The following GSE1 variants were observed in gnomAD, a reference collection of about 807,000 sequenced individuals.
GSE1 encodes genetic suppressor element 1.
Under a neutral mutation model 112.6 loss-of-function variants are expected in GSE1, and 32 were observed. The ratio of observed to expected loss-of-function variants is 0.28; its 90% CI spans 0.21 to 0.38. The LOEUF (loss-of-function observed/expected upper bound fraction) is 0.38, where lower values mean the gene tolerates loss of function less well. GSE1 is among the 10% of genes least tolerant of loss of function. The pLI is 1.00. For missense variants in GSE1, 2,348 were observed against 1,699.2 expected, an observed-to-expected ratio of 1.38 and a Z score of -6.71; for synonymous variants, 1,115 against 735.6, an observed-to-expected ratio of 1.52 and a Z score of -8.35.
chr16:85,448,112 G>A (rs569772272), intron 2 of GSE1, among the ~76,000 whole-genome samples: 7 of 152,288 alleles, frequency 4.6e-5, no homozygotes, highest in Non-Finnish European at 8.8e-5. Context: ...GGGCTCCTCC[G>A]CCTGCCCTGC....
chr16:85,391,934 G>A (rs2151647157), intron 2 of GSE1, among the ~76,000 whole-genome samples: 1 of 152,146 alleles, frequency 6.6e-6, no homozygotes, highest in East Asian at 1.9e-4. Flanking sequence ...CTAGGAGGTG[G>A]GTGTCCCCAG....
At position 85,661,483 on chromosome 16, in the gene GSE1, G is replaced by A; in HGVS notation, c.1978G>A (p.Gly660Arg). 1 of 1,611,730 alleles carries A rather than the reference G, an allele frequency of 6.2e-7. No individual in the cohort carries two copies. The highest frequency in any genetic ancestry group is 1.3e-5 in the African/African-American group (1 of 75,016). Residue 660 changes from glycine (G) to arginine (R), a missense_variant, in exon 9 of 16, where the codon GGG becomes AGG. By Grantham distance (125) the Gly-to-Arg change is moderately radical (BLOSUM62 -2). Transcript: ENST00000253458. The part of the protein sequence containing the change: ...QPPPPPPREG[G>R]SLEHQPFLPG... ...ACCTCCGCCGCCACCACGAGAGGGA[G>A]GGAGCCTGGAGCACCAGCCCTTCCT...
chr16:85,365,052 C>T (rs939972749), intron 2 of GSE1, among the ~76,000 whole-genome samples: 3 of 152,222 alleles, frequency 2.0e-5, no homozygotes, highest in Non-Finnish European at 4.4e-5. Context: ...GGGCTGGGAG[C>T]TCTCATCTTT....
chr16:85,378,012 G>T (rs2047459229), intron 2 of GSE1, among the ~76,000 whole-genome samples: 1 of 152,210 alleles, frequency 6.6e-6, no homozygotes, highest in African/African-American at 2.4e-5. Flanking sequence ...CTGCACCCCG[G>T]GCTTGGGAAC....
intron 2 of GSE1, among the ~76,000 whole-genome samples, chr16:85,448,755 C>G (rs992534745): frequency 1.3e-5 from 2 of 152,234 alleles, no homozygotes; most frequent in African/African-American, 2.4e-5. Context: ...CCCTGCAACC[C>G]GGGGCAGGAA....
In GSE1 at chr16:85,472,701, G is replaced by C. The variant is rs147858159; in HGVS notation, c.2464+115058G>C. Among the ~76,000 whole-genome samples the C allele has an allele frequency of 5.3e-3, 807 of 152,354 alleles. 5 individuals are homozygous for C. The highest frequency in any genetic ancestry group is 0.018 in the African/African-American group (766 of 41,584). ...CCTTGCTCAGTCTGACCCTGCTGCT[G>C]TCTGCGGCTCTGTCTGCTTCTGCCA... On this transcript the variant is annotated intron_variant, in intron 2 of 2. Transcript: ENST00000637419.
intron 1 of GSE1, among the ~76,000 whole-genome samples, chr16:85,337,005 C>T (rs1016569936): frequency 2.2e-5 from 1 of 46,264 alleles, no homozygotes; most frequent in Non-Finnish European, 4.4e-5. Context: ...CATGTACACA[C>T]ACATATCCAC....
chr16:85,263,864 C>T (rs879335964), intron 1 of GSE1, among the ~76,000 whole-genome samples: 5 of 152,164 alleles, frequency 3.3e-5, no homozygotes, highest in East Asian at 1.9e-4. Flanking sequence ...TAAGCTGCCA[C>T]GCCTGGCCAC....
chr16:85,525,410 C>A (rs1171462855), intron 2 of GSE1, among the ~76,000 whole-genome samples: 1 of 152,202 alleles, frequency 6.6e-6, no homozygotes, highest in African/African-American at 2.4e-5. Context: ...ATCTCCCCAG[C>A]GTTGGGGAAA....
chr16:85,612,234 A>G (rs867724911), upstream of GSE1, among the ~76,000 whole-genome samples: 588 of 131,494 alleles, frequency 4.5e-3, 6 homozygotes, highest in African/African-American at 0.016. Flanking sequence ...GCCCGCCGCG[A>G]TGGGGTGGGG....
rs189184220 is a variant in GSE1 at position 85,671,662 on chromosome 16, T to C, written c.3519+564T>C. On this transcript the variant is annotated intron_variant, in intron 15 of 15. Coordinates refer to ENST00000253458, the MANE Select transcript of GSE1 (RefSeq NM_014615.5). Reference sequence around the variant, plus strand: ...CAGTTGATTATCTAGGATTTACTTATAGAATATCGATCCTGGAAGGGTAGG... The same window carrying C: ...CAGTTGATTATCTAGGATTTACTTACAGAATATCGATCCTGGAAGGGTAGG... 8.5e-5 allele frequency among the ~76,000 whole-genome samples: 13 copies of C among 152,220 alleles called. No individual in the cohort carries two copies. In the East Asian group the frequency reaches 9.7e-4, roughly 11 times the overall value.
intron 1 of GSE1, among the ~76,000 whole-genome samples, chr16:85,243,688 A>G (rs1451599926): frequency 6.6e-6 from 1 of 152,210 alleles, no homozygotes; most frequent in South Asian, 2.1e-4. Context: ...TTGTCCTGGC[A>G]GGTGAGCATG....
chr16:85,223,729 C>T (rs369962108), intron 1 of GSE1, among the ~76,000 whole-genome samples: 8 of 151,790 alleles, frequency 5.3e-5, no homozygotes, highest in East Asian at 3.9e-4. Flanking sequence ...CTCAACCTCC[C>T]GATTAGCTGG....
intron 1 of GSE1, among the ~76,000 whole-genome samples, chr16:85,343,530 C>T (rs2046668411): frequency 6.6e-6 from 1 of 152,140 alleles, no homozygotes; most frequent in Non-Finnish European, 1.5e-5. Flanking sequence ...AGGAAGGTCG[C>T]TTTAAGCCAA....
Position 85,672,794 on chromosome 16 carries a change from G to A in GSE1, c.*255G>A, listed in dbSNP as rs1046449125. 154 of 295,192 alleles carry A rather than the reference G, an allele frequency of 5.2e-4. No homozygotes were observed. The highest frequency in any genetic ancestry group is 7.4e-4 in the Non-Finnish European group (117 of 158,380). The allele number at this position is 295,192 out of a possible 1,614,324, so 18.3% of individuals were successfully genotyped here. On this transcript the variant is annotated 3_prime_UTR_variant, in exon 16 of 16. Transcript: ENST00000253458. The stretch of plus-strand genomic sequence containing the variant: ...GTTTTTCTTTTTAAAGGTGGTTTTC[G>A]CCCTTCCTCTCCCACATTATTTCTT...
intron 1 of GSE1, among the ~76,000 whole-genome samples, chr16:85,564,396 G>T (rs970724095): frequency 6.6e-6 from 1 of 152,240 alleles, no homozygotes; most frequent in African/African-American, 2.4e-5. Context: ...TGGTGGTGGT[G>T]TGTGGGGGGC....
At chr16:85,657,893 A>C (rs757327013) in intron 8 of GSE1, among the ~76,000 whole-genome samples, 10 of 152,208 alleles carry the variant, frequency 6.6e-5, no homozygotes, top group African/African-American at 9.6e-5. Context: ...AGTTCCCAGG[A>C]GGCCATTCAC....
At chr16:85,180,718 C>T (rs1567592455) in intron 1 of GSE1, among the ~76,000 whole-genome samples, 1 of 152,204 alleles carries the variant, frequency 6.6e-6, no homozygotes, top group Admixed American at 6.5e-5. Context: ...CTGGCTCCAG[C>T]GTCTGCACTC....
rs566926236 is a variant in GSE1 at position 85,306,685 on chromosome 16, A to T, written c.2284-50778A>T. ...CACCTCAGCCTCTTGAGTAGCTGGGACTATAGGCATGTGCCACCATGCCTG... is the reference window on the plus strand; with the variant it reads ...CACCTCAGCCTCTTGAGTAGCTGGGTCTATAGGCATGTGCCACCATGCCTG... On this transcript the variant is annotated intron_variant, in intron 1 of 2. Transcript: ENST00000637419. 1.1e-4 allele frequency among the ~76,000 whole-genome samples: 17 copies of T among 152,206 alleles called. No individual in the cohort carries two copies. The South Asian group carries it at 3.5e-3, about 32-fold the overall frequency.
Sources: allele counts gnomAD v4.1 joint callset (sites outside exome capture counted in the v4.1 genomes callset), GRCh38; gene constraint gnomAD v4.1.1; transcripts MANE v1.5; gene names NCBI Gene and HGNC (gene_info 2026-07-23, HGNC 2026-07-21).